Variants in TEX9 observed in about 807,000 individuals in gnomAD.
TEX9 encodes testis expressed 9.
TEX9 carries 74 observed loss-of-function variants against 59.6 expected under a neutral mutation model. The ratio of observed to expected loss-of-function variants is 1.24; its 90% CI spans 1.03 to 1.51. The LOEUF (loss-of-function observed/expected upper bound fraction) is 1.51. Among genes scored for constraint, TEX9 ranks in the 40% most tolerant of loss-of-function variants. The pLI is 0.00. For missense variants in TEX9, 522 were observed against 447.8 expected, an observed-to-expected ratio of 1.17 and a Z score of -1.49; for synonymous variants, 186 against 152.2, an observed-to-expected ratio of 1.22 and a Z score of -1.64.
At chr15:56,443,581 T>G in intron 12 of TEX9, 2 of 1,583,926 alleles carry the variant, frequency 1.3e-6, no homozygotes, top group South Asian at 2.3e-5. Context: ...AGGATCCAAA[T>G]TCTGTAACTA....
At chr15:56,291,411 T>A (rs1414010288) in intron 1 of TEX9, among the ~76,000 whole-genome samples, 1 of 152,186 alleles carries the variant, frequency 6.6e-6, no homozygotes, top group Non-Finnish European at 1.5e-5. Flanking sequence ...TCCTCCCCCC[T>A]ATTTATTATA....
At chr15:56,338,178 A>G (rs1471892922) in intron 1 of TEX9, among the ~76,000 whole-genome samples, 1 of 152,208 alleles carries the variant, frequency 6.6e-6, no homozygotes, top group Non-Finnish European at 1.5e-5. Flanking sequence ...TCTGCAAACT[A>G]GAGCCTCTAG....
intron 1 of TEX9, among the ~76,000 whole-genome samples, chr15:56,261,786 C>T (rs2044275538): frequency 6.6e-6 from 1 of 152,034 alleles, no homozygotes; most frequent in South Asian, 2.1e-4. Context: ...GAAGAGGATC[C>T]CAAAGGATAT....
intron 1 of TEX9, among the ~76,000 whole-genome samples, chr15:56,319,978 T>G (rs2045866579): frequency 6.6e-6 from 1 of 152,192 alleles, no homozygotes; most frequent in African/African-American, 2.4e-5. Flanking sequence ...TATATCAGGC[T>G]GAACAGAGAC....
At chr15:56,420,398 C>G (rs2049924187) in intron 10 of TEX9, among the ~76,000 whole-genome samples, 1 of 151,564 alleles carries the variant, frequency 6.6e-6, no homozygotes, top group Non-Finnish European at 1.5e-5. Flanking sequence ...ACCTCCGCCT[C>G]CCAGGTTCAA....
At chr15:56,324,591 T>C (rs1477588) in intron 1 of TEX9, among the ~76,000 whole-genome samples, 75,160 of 152,104 alleles carry the variant, frequency 0.49, 20,036 homozygotes, top group Non-Finnish European at 0.6. Context: ...GTAGGAATAT[T>C]GTATAGGCTT....
intron 1 of TEX9, among the ~76,000 whole-genome samples, chr15:56,333,384 A>G (rs1036100488): frequency 7.9e-5 from 12 of 152,124 alleles, no homozygotes; most frequent in African/African-American, 2.7e-4. Flanking sequence ...TCAATGTGAT[A>G]CATCATATCA....
intron 1 of TEX9, among the ~76,000 whole-genome samples, chr15:56,295,745 CT>C (rs2045203235): frequency 6.6e-6 from 1 of 152,322 alleles, no homozygotes; most frequent in African/African-American, 2.4e-5. Flanking sequence ...CCACAGTCTT[CT>C]GCTCATTCCT....
In TEX9 at chr15:56,330,117, G is replaced by A. The variant is rs1261339650; in HGVS notation, c.-106-43324G>A. Among the ~76,000 whole-genome samples the A allele has an allele frequency of 3.3e-5, 5 of 151,976 alleles. No homozygotes were observed. In the Middle Eastern group the frequency reaches 0.01, roughly 312 times the overall value. ...GAAACCTTATGGGCCAGGAGAGAGT[G>A]CCATGACATATTTAAAGTGCTAAAG... On this transcript the variant is annotated intron_variant, in intron 1 of 5. Transcript: ENST00000560827.
intron 1 of TEX9, among the ~76,000 whole-genome samples, chr15:56,250,443 G>A (rs1267212468): frequency 2.0e-5 from 3 of 152,080 alleles, no homozygotes; most frequent in East Asian, 3.9e-4. Flanking sequence ...GCAGGAAAAC[G>A]AGCATGCAAA....
At chr15:56,350,657 C>T (rs1437555516) in intron 1 of TEX9, among the ~76,000 whole-genome samples, 1 of 152,154 alleles carries the variant, frequency 6.6e-6, no homozygotes, top group Non-Finnish European at 1.5e-5. Context: ...TTTCATTCTG[C>T]TGGGGAATAC....
chr15:56,334,936 CA>C (rs1317666185), intron 1 of TEX9, among the ~76,000 whole-genome samples: 1 of 152,022 alleles, frequency 6.6e-6, no homozygotes, highest in Non-Finnish European at 1.5e-5. Context: ...AAATGCAAAT[CA>C]AAACTATAAT....
intron 1 of TEX9, among the ~76,000 whole-genome samples, chr15:56,318,967 A>G (rs2045841155): frequency 6.6e-6 from 1 of 152,196 alleles, no homozygotes; most frequent in South Asian, 2.1e-4. Flanking sequence ...TGTACATAAC[A>G]TGCCCACATC....
intron 9 of TEX9, among the ~76,000 whole-genome samples, chr15:56,399,956 A>G (rs151081450): frequency 0.071 from 10,740 of 152,268 alleles, 475 homozygotes; most frequent in Non-Finnish European, 0.1. Flanking sequence ...CAGAAAGGAC[A>G]TCTACACCAA....
chr15:56,316,892 G>A (rs1422972212), intron 1 of TEX9, among the ~76,000 whole-genome samples: 5 of 152,290 alleles, frequency 3.3e-5, no homozygotes, highest in Admixed American at 6.5e-5. Context: ...CGCAGTATTC[G>A]GGTGGGAGTG....
At chr15:56,259,563 T>C (rs1342823278) in intron 1 of TEX9, among the ~76,000 whole-genome samples, 1 of 152,100 alleles carries the variant, frequency 6.6e-6, no homozygotes, top group East Asian at 1.9e-4. Flanking sequence ...AGTATATATA[T>C]GAGCCTATTT....
chr15:56,410,514 G>A (rs186329752), intron 9 of TEX9, among the ~76,000 whole-genome samples: 20 of 150,892 alleles, frequency 1.3e-4, no homozygotes, highest in Non-Finnish European at 2.1e-4. Flanking sequence ...CAGATTTTTC[G>A]TGAAATTTTT....
chr15:56,310,465 G>A (rs1297507534), intron 1 of TEX9, among the ~76,000 whole-genome samples: 5 of 152,166 alleles, frequency 3.3e-5, no homozygotes, highest in Admixed American at 1.3e-4. Context: ...AAGAAACTCT[G>A]CTAGTGTTTG....
At chr15:56,287,682 T>A (rs570867116) in intron 1 of TEX9, among the ~76,000 whole-genome samples, 3 of 152,278 alleles carry the variant, frequency 2.0e-5, no homozygotes, top group Non-Finnish European at 4.4e-5. Flanking sequence ...TCAATCCATA[T>A]AACCCCATCA....
Sources: gnomAD v4.1 joint callset for allele counts (sites outside exome capture counted in the v4.1 genomes callset) on GRCh38, gnomAD v4.1.1 for gene constraint, MANE v1.5 for transcripts, NCBI Gene and HGNC (gene_info 2026-07-23, HGNC 2026-07-21) for gene names.